SLIT2: variants seen among roughly 807,000 people sequenced by gnomAD.
SLIT2 encodes slit homolog 2 protein.
A neutral mutation model predicts 185.7 loss-of-function variants in SLIT2; 41 were observed. The ratio of observed to expected loss-of-function variants is 0.22; its 90% confidence interval spans 0.17 to 0.29. The LOEUF (loss-of-function observed/expected upper bound fraction) is 0.29, where lower values mean the gene tolerates loss of function less well. Among genes scored for constraint, SLIT2 ranks in the 10% least tolerant of loss-of-function variants. The pLI is 1.00. For synonymous variants in SLIT2, 693 were observed against 680.2 expected, an observed-to-expected ratio of 1.02 and a Z score of -0.29; for missense variants, 1,571 against 1,909.0, an observed-to-expected ratio of 0.82 and a Z score of 3.30.
chr4:20,305,768 G>A (rs534192404), intron 4 of SLIT2, among the ~76,000 whole-genome samples: 1 of 151,848 alleles, frequency 6.6e-6, no homozygotes, highest in African/African-American at 2.4e-5. Context: ...AGCTACTTGG[G>A]AGGCCGAGGC....
intron 4 of SLIT2, among the ~76,000 whole-genome samples, chr4:20,411,152 A>G (rs1727228329): frequency 6.6e-6 from 1 of 152,078 alleles, no homozygotes; most frequent in Admixed American, 6.5e-5. Context: ...CTGTAGTCCT[A>G]GGTATTTTAT....
At chr4:20,488,036 G>A (rs1717414177) in intron 7 of SLIT2, among the ~76,000 whole-genome samples, 1 of 152,122 alleles carries the variant, frequency 6.6e-6, no homozygotes, top group Non-Finnish European at 1.5e-5. Context: ...AAACATAAAA[G>A]CCAGTTTGAA....
chr4:20,489,017 ATT>A lies in SLIT2; in HGVS notation c.775+36_775+37del, dbSNP rs1717524638. 4.5e-6 allele frequency: 7 copies of A among 1,562,074 alleles called. No individual in the cohort carries two copies. In the South Asian group the frequency reaches 8.0e-5, roughly 18 times the overall value. ...AAGGAAGAGTGATGTTATTGTGTTT[ATT>A]GTATCCTGTTATGTAACAGAATGTG... On this transcript the variant is annotated intron_variant, in intron 8 of 36. Transcript: ENST00000504154.
intron 4 of SLIT2, among the ~76,000 whole-genome samples, chr4:20,301,285 T>C (rs1717013895): frequency 6.6e-6 from 1 of 152,204 alleles, no homozygotes; most frequent in African/African-American, 2.4e-5. Context: ...ATTTTTATCT[T>C]AAAGAGATAA....
At chr4:20,580,020 T>TTATATATAATATATATTA (rs1726409598) in intron 29 of SLIT2, among the ~76,000 whole-genome samples, 1 of 142,720 alleles carries the variant, frequency 7.0e-6, no homozygotes, top group Non-Finnish European at 1.5e-5. Context: ...TAATATATTA[T>TTATATATAATATATATTA]TATATATAAT....
intron 21 of SLIT2, among the ~76,000 whole-genome samples, chr4:20,545,284 C>T (rs1160680535): frequency 1.3e-5 from 2 of 151,906 alleles, no homozygotes; most frequent in Admixed American, 6.6e-5. Flanking sequence ...GGAAAAACAG[C>T]CTTGGAAGGA....
chr4:20,355,879 A>T (rs1425876455), intron 4 of SLIT2, among the ~76,000 whole-genome samples: 1 of 152,164 alleles, frequency 6.6e-6, no homozygotes, highest in African/African-American at 2.4e-5. Flanking sequence ...GTTTACTACT[A>T]CTACTATTAT....
rs543040821 is a variant in SLIT2 at position 20,511,786 on chromosome 4, A to G, written c.1058+649A>G. On this transcript the variant is annotated intron_variant, in intron 11 of 36. Transcript: ENST00000504154. ...TTATTTTGGAAAGCATGTAGCTAGT[A>G]TCTGGAGACAATATCAGTCTCCTTT... Among the ~76,000 whole-genome samples, 4 of 151,852 alleles carry G rather than the reference A, an allele frequency of 2.6e-5. No individual in the cohort carries two copies. In the East Asian group the frequency reaches 7.8e-4, roughly 29 times the overall value.
intron 4 of SLIT2, among the ~76,000 whole-genome samples, chr4:20,452,387 A>G (rs1408488461): frequency 6.6e-6 from 1 of 152,226 alleles, no homozygotes; most frequent in East Asian, 1.9e-4. Context: ...AATGAATAAT[A>G]GGTGTAAAGC....
chr4:20,516,788 C>T (rs1189412897), intron 11 of SLIT2, among the ~76,000 whole-genome samples: 5 of 152,156 alleles, frequency 3.3e-5, no homozygotes, highest in Non-Finnish European at 7.3e-5. Context: ...ATTCCCATTA[C>T]ATTGAGTATT....
chr4:20,408,167 T>C (rs1726918272), intron 4 of SLIT2, among the ~76,000 whole-genome samples: 1 of 152,208 alleles, frequency 6.6e-6, no homozygotes, highest in African/African-American at 2.4e-5. Flanking sequence ...CAGAGGCTTA[T>C]TAAACAGTTT....
At chr4:20,428,477 G>A (rs1342214991) in intron 4 of SLIT2, among the ~76,000 whole-genome samples, 3 of 152,098 alleles carry the variant, frequency 2.0e-5, no homozygotes, top group Non-Finnish European at 4.4e-5. Context: ...CTAAGAAAAC[G>A]TAGTTGTATT....
intron 26 of SLIT2, among the ~76,000 whole-genome samples, chr4:20,561,835 A>C (rs1433105494): frequency 6.6e-6 from 1 of 151,808 alleles, no homozygotes; most frequent in Non-Finnish European, 1.5e-5. Context: ...ATACTTTTTA[A>C]AACTTAAAAC....
chr4:20,539,370 C>A, intron 18 of SLIT2, 71 bp from the exon 19 acceptor site: 2 of 1,369,288 alleles, frequency 1.5e-6, no homozygotes, highest in Non-Finnish European at 2.0e-6. Flanking sequence ...AGGATCATTT[C>A]GATCCTCAGA....
chr4:20,454,076 T>A (rs1712776862), intron 4 of SLIT2, among the ~76,000 whole-genome samples: 1 of 152,194 alleles, frequency 6.6e-6, no homozygotes, highest in African/African-American at 2.4e-5. Flanking sequence ...CCCCTTTAGT[T>A]TTTTAGAAAT....
Position 20,567,524 on chromosome 4 carries a change from G to T in SLIT2, c.2857G>T (p.Asp953Tyr), listed in dbSNP as rs1407605377. The T allele has an allele frequency of 1.2e-6, 2 of 1,613,072 alleles. No individual in the cohort carries two copies. The highest frequency in any genetic ancestry group is 1.1e-5 in the South Asian group (1 of 91,066). ...CTCPYGFKGQ[D>Y]CDVPIHACIS... Reference sequence around the variant, plus strand: ...CTTGCCCCTTCTTCTCCAGGGGCAGGACTGTGATGTCCCAATTCATGCCTG... The same window carrying T: ...CTTGCCCCTTCTTCTCCAGGGGCAGTACTGTGATGTCCCAATTCATGCCTG... The change falls in exon 28 of 37, where the codon GAC becomes TAC. Residue 953 changes from aspartate to tyrosine, a missense_variant. Coordinates refer to ENST00000504154, the MANE Select transcript of SLIT2 (RefSeq NM_004787.4).
chr4:20,577,968 A>G (rs764196010), intron 29 of SLIT2, among the ~76,000 whole-genome samples: 14 of 152,356 alleles, frequency 9.2e-5, no homozygotes, highest in Non-Finnish European at 1.9e-4. Context: ...ATTGTTAGGC[A>G]TAAAAATACA....
chr4:20,611,321 G>T (rs1229300398), intron 34 of SLIT2, among the ~76,000 whole-genome samples: 2 of 152,106 alleles, frequency 1.3e-5, no homozygotes, highest in Non-Finnish European at 1.5e-5. Flanking sequence ...TTAACATTTT[G>T]ACAGAGTTGG....
At chr4:20,536,280 G>C (rs112109518) in intron 18 of SLIT2, among the ~76,000 whole-genome samples, 2,946 of 152,178 alleles carry the variant, frequency 0.019, 103 homozygotes, top group African/African-American at 0.067. Flanking sequence ...ACACGGCCTG[G>C]CACGGAGGCT....
Sources: allele counts gnomAD v4.1 joint callset (sites outside exome capture counted in the v4.1 genomes callset), GRCh38; gene constraint gnomAD v4.1.1; transcripts MANE v1.5; gene names NCBI Gene and HGNC (gene_info 2026-07-23, HGNC 2026-07-21).